GRIP1: variants seen among roughly 807,000 people sequenced by gnomAD.
GRIP1 encodes the protein glutamate receptor interacting protein 1, also known as glutamate receptor-interacting protein 1.
In GRIP1, 45 loss-of-function variants were observed where a neutral mutation model predicts 129.9. The observed-to-expected ratio is 0.35, with a 90% CI of 0.27 to 0.44. GRIP1 has a LOEUF of 0.44. Ranked by LOEUF, GRIP1 falls within the 20% of genes least tolerant of loss-of-function variation. The probability of loss-of-function intolerance (pLI) is 1.00; values close to 1 mark genes in which losing one functional copy is unlikely to be tolerated. For missense variants in GRIP1, 1,196 were observed against 1,396.8 expected, an observed-to-expected ratio of 0.86 and a Z score of 2.29; for synonymous variants, 530 against 520.8, an observed-to-expected ratio of 1.02 and a Z score of -0.24.
Position 66,837,501 on chromosome 12 carries a change from G to T in GRIP1, c.58+231549C>A, listed in dbSNP as rs368498730. The stretch of plus-strand genomic sequence containing the variant: ...AATGCCCACAGGCCTACTGTAATTA[G>T]CTCAGTGTGGTATGTGTGCAGCAAA... On this transcript the variant is annotated intron_variant, in intron 1 of 1. Transcript: ENST00000643019. Among the ~76,000 whole-genome samples, 80 of 152,288 alleles carry T rather than the reference G, an allele frequency of 5.3e-4. 1 individual carries two copies. The highest frequency in any genetic ancestry group is 3.1e-3 in the Admixed American group (48 of 15,296).
intron 2 of GRIP1, among the ~76,000 whole-genome samples, chr12:66,596,630 G>A (rs917140724): frequency 7.9e-5 from 12 of 152,188 alleles, no homozygotes; most frequent in African/African-American, 2.9e-4. Flanking sequence ...TACAATGATG[G>A]ATTACAAGAT....
At chr12:66,438,838 A>G (rs2058389546) in intron 13 of GRIP1, among the ~76,000 whole-genome samples, 1 of 152,098 alleles carries the variant, frequency 6.6e-6, no homozygotes, top group Non-Finnish European at 1.5e-5. Context: ...CTTGTATTCC[A>G]AGCAATACAT....
chr12:66,977,510 A>T (rs1019933545), intron 1 of GRIP1, among the ~76,000 whole-genome samples: 1 of 152,092 alleles, frequency 6.6e-6, no homozygotes, highest in African/African-American at 2.4e-5. Flanking sequence ...CAGTCCCTAG[A>T]TTAGGAACTG....
rs149566276 is a variant in GRIP1 at position 66,902,817 on chromosome 12, A to G, written c.58+166233T>C. Among the ~76,000 whole-genome samples, 556 of 152,316 alleles carry G rather than the reference A, an allele frequency of 3.7e-3. 4 individuals are homozygous for G. Among genetic ancestry groups the G allele is most frequent in the African/African-American group, 0.011 (473 of 41,556 alleles). ...TCGAATGAAATATAAAGACCCTTAA[A>G]TGCATATTGTTGTTAGCGCTTTTGA... On this transcript the variant is annotated intron_variant, in intron 1 of 1. Coordinates refer to the GRIP1 transcript ENST00000643019.
intron 1 of GRIP1, among the ~76,000 whole-genome samples, chr12:66,654,644 G>A (rs781405501): frequency 3.3e-5 from 5 of 152,204 alleles, no homozygotes; most frequent in Admixed American, 6.5e-5. Context: ...GGACAAAGGT[G>A]TGATAAGCAA....
At chr12:66,539,291 C>T in intron 3 of GRIP1, 68 bp from the exon 4 acceptor site, 1 of 1,600,536 alleles carries the variant, frequency 6.2e-7, no homozygotes, top group Non-Finnish European at 8.6e-7. Context: ...TATATTTCCA[C>T]TTTCCCTTCA....
At chr12:66,802,827 C>A (rs751953730) in intron 1 of GRIP1, among the ~76,000 whole-genome samples, 7 of 151,982 alleles carry the variant, frequency 4.6e-5, no homozygotes. Flanking sequence ...GGATATAGTA[C>A]GGAAACAAAA....
At chr12:66,731,920 G>A (rs74735785) in intron 1 of GRIP1, among the ~76,000 whole-genome samples, 1,803 of 152,210 alleles carry the variant, frequency 0.012, 36 homozygotes, top group African/African-American at 0.042. Context: ...ATTTTCAAAT[G>A]TATTTGTAGT....
At chr12:67,057,461 G>C (rs1267057591) in intron 1 of GRIP1, among the ~76,000 whole-genome samples, 4 of 147,726 alleles carry the variant, frequency 2.7e-5, no homozygotes, top group South Asian at 2.1e-4. Context: ...AAAAACTCCT[G>C]TTGTTTAAGC....
At position 66,597,650 on chromosome 12, in the gene GRIP1, G is replaced by T. The variant is rs150662586; in HGVS notation, c.56-723C>A. 2.1e-3 allele frequency among the ~76,000 whole-genome samples: 315 copies of T among 152,256 alleles called. 1 individual carries two copies. Among genetic ancestry groups the T allele is most frequent in the African/African-American group, 7.1e-3 (295 of 41,530 alleles). On this transcript the variant is annotated intron_variant, in intron 1 of 24. Transcript: ENST00000359742. ...AAAAGAGCAACTGAGAAGACAGAAG[G>T]TCTAAAGCTTAATGTATGTGTGAGA...
intron 1 of GRIP1, among the ~76,000 whole-genome samples, chr12:67,042,903 C>T (rs972062859): frequency 1.3e-5 from 2 of 152,216 alleles, no homozygotes; most frequent in African/African-American, 4.8e-5. Context: ...ATACATCTTC[C>T]ATGCAAGTTG....
At chr12:66,737,504 G>C (rs2036644741) in intron 1 of GRIP1, among the ~76,000 whole-genome samples, 1 of 152,068 alleles carries the variant, frequency 6.6e-6, no homozygotes, top group Non-Finnish European at 1.5e-5. Context: ...GGCTGGTCTT[G>C]AACTCCTGAC....
chr12:66,794,835 G>A (rs2038649204), intron 1 of GRIP1, among the ~76,000 whole-genome samples: 1 of 152,122 alleles, frequency 6.6e-6, no homozygotes, highest in African/African-American at 2.4e-5. Context: ...AAAAGAGAGA[G>A]GTGTTTGTTC....
chr12:66,973,375 A>C (rs1281551163), intron 1 of GRIP1, among the ~76,000 whole-genome samples: 1 of 103,962 alleles, frequency 9.6e-6, no homozygotes, highest in African/African-American at 3.8e-5. Flanking sequence ...TTCCTTTTTC[A>C]TTCTTTTTTT....
chr12:66,462,541 GAA>G lies in GRIP1; in HGVS notation c.1042+381_1042+382del, dbSNP rs1325246667. ...TTTCAAGCAAATTATGTGTGGCTTA[GAA>G]AAAAGACTTTGGAAGATGAATTAGA... On this transcript the variant is annotated intron_variant, in intron 9 of 24. Transcript: ENST00000359742. Among the ~76,000 whole-genome samples, 13 of 152,058 alleles carry G rather than the reference GAA, an allele frequency of 8.5e-5. No homozygotes were observed. In the East Asian group the frequency reaches 2.5e-3, roughly 29 times the overall value.
In GRIP1 at chr12:67,025,925, G is replaced by C. The variant is rs1484693028; in HGVS notation, c.58+43125C>G. ...TTCTCAAAATACTCCTAACTAGCCA[G>C]TGGTGTTCATTTTCCTCGGGCTTTT... On this transcript the variant is annotated intron_variant, in intron 1 of 1. Transcript: ENST00000643019. Among the ~76,000 whole-genome samples, 3 of 152,302 alleles carry C rather than the reference G, an allele frequency of 2.0e-5. No homozygotes were observed. The East Asian group carries it at 5.8e-4, about 29-fold the overall frequency.
intron 1 of GRIP1, among the ~76,000 whole-genome samples, chr12:66,953,124 CT>C (rs1566092677): frequency 2.0e-5 from 3 of 152,120 alleles, no homozygotes. Flanking sequence ...TGGAGAATGC[CT>C]TTTCATTTAA....
rs1382333586 is a variant in GRIP1 at position 66,819,521 on chromosome 12, G to C, written c.59-222594C>G. 2.0e-5 allele frequency among the ~76,000 whole-genome samples: 3 copies of C among 152,088 alleles called. No individual in the cohort carries two copies. In the East Asian group the frequency reaches 5.8e-4, roughly 29 times the overall value. ...GAACTACTATTATGTACCAGGAATT[G>C]GGCTAGGCACAGCAAAACATACAGC... On this transcript the variant is annotated intron_variant, in intron 1 of 1. Transcript: ENST00000643019.
chr12:66,947,010 C>G (rs2041682155), intron 1 of GRIP1, among the ~76,000 whole-genome samples: 1 of 151,632 alleles, frequency 6.6e-6, no homozygotes, highest in Non-Finnish European at 1.5e-5. Flanking sequence ...CACCACTGCA[C>G]TGCAGCCTGG....
Sources: allele counts gnomAD v4.1 joint callset (sites outside exome capture counted in the v4.1 genomes callset), GRCh38; gene constraint gnomAD v4.1.1; transcripts MANE v1.5; gene names NCBI Gene and HGNC (gene_info 2026-07-23, HGNC 2026-07-21).